Variants in EFHC2 observed in about 807,000 individuals in gnomAD.
EFHC2 encodes the protein EF-hand domain-containing family member C2.
Under a neutral mutation model 52.7 loss-of-function variants are expected in EFHC2, and 18 were observed. The ratio of observed to expected loss-of-function variants is 0.34; its 90% CI spans 0.24 to 0.51. The LOEUF is 0.51. Among genes scored for constraint, EFHC2 ranks in the 20% least tolerant of loss-of-function variants. The pLI is 0.97. For synonymous variants in EFHC2, 203 were observed against 204.1 expected (o/e 0.99, Z 0.04); for missense variants, 513 against 562.5 (o/e 0.91, Z 0.89).
intron 11 of EFHC2, among the ~76,000 whole-genome samples, chrX:44,227,075 A>G (rs1391478832): frequency 9.1e-6 from 1 of 110,177 alleles, no homozygotes; most frequent in Non-Finnish European, 1.9e-5. Flanking sequence ...TTAACACCCT[A>G]TTGTTTGCCA....
At chrX:44,271,945 T>A (rs1258302248) in intron 3 of EFHC2, among the ~76,000 whole-genome samples, 1 of 112,279 alleles carries the variant, frequency 8.9e-6, no homozygotes, top group Admixed American at 9.5e-5. Context: ...TATTCTGTCT[T>A]GCACATGACA....
At chrX:44,261,402 T>C (rs774033097) in intron 3 of EFHC2, 104 bp from the exon 4 acceptor site, 5 of 685,563 alleles carry the variant, frequency 7.3e-6, no homozygotes, top group African/African-American at 2.2e-5. Flanking sequence ...AACAGAAAAC[T>C]GGGCAAAGGA....
intron 1 of EFHC2, 35 bp from the exon 2 acceptor site, chrX:44,312,791 G>A (rs1410490709): frequency 8.9e-7 from 1 of 1,121,710 alleles, no homozygotes; most frequent in Non-Finnish European, 1.2e-6. Context: ...AATAGCCAAA[G>A]TTACTCTTTA....
intron 13 of EFHC2, among the ~76,000 whole-genome samples, chrX:44,171,674 G>A (rs1396142037): frequency 8.9e-6 from 1 of 111,864 alleles, no homozygotes; most frequent in Non-Finnish European, 1.9e-5. Context: ...CTCTGGTGAG[G>A]TGGGTCACAG....
intron 12 of EFHC2, among the ~76,000 whole-genome samples, chrX:44,177,203 T>C (rs1231329205): frequency 1.8e-5 from 2 of 111,935 alleles, no homozygotes; most frequent in Admixed American, 1.9e-4. Flanking sequence ...GCCAGGGCCA[T>C]GCAAAACTCA....
chrX:44,158,127 C>T (rs1033115512), intron 14 of EFHC2, among the ~76,000 whole-genome samples: 2 of 111,580 alleles, frequency 1.8e-5, no homozygotes, highest in Non-Finnish European at 3.8e-5. Flanking sequence ...TGGTTAGTCA[C>T]ACTAGACTGG....
chrX:44,236,480 G>C (rs898361224), intron 8 of EFHC2, among the ~76,000 whole-genome samples: 7 of 112,231 alleles, frequency 6.2e-5, no homozygotes, highest in Non-Finnish European at 1.3e-4. Context: ...TCCCTTGCAG[G>C]GTCTCCTATA....
chrX:44,325,853 C>G (rs2038048705), intron 1 of EFHC2, among the ~76,000 whole-genome samples: 1 of 103,129 alleles, frequency 9.7e-6, no homozygotes, highest in Non-Finnish European at 2.0e-5. Context: ...GCCACAATAG[C>G]TAACAATTGT....
intron 2 of EFHC2, among the ~76,000 whole-genome samples, chrX:44,303,439 T>C (rs957627390): frequency 1.8e-5 from 2 of 111,041 alleles, no homozygotes; most frequent in Non-Finnish European, 3.8e-5. Context: ...CAGTTGTAGA[T>C]GTACCCCTAC....
chrX:44,255,053 C>G (rs7060231), intron 4 of EFHC2, among the ~76,000 whole-genome samples: 3,118 of 111,919 alleles, frequency 0.028, 116 homozygotes, highest in African/African-American at 0.096. Flanking sequence ...AAATAAAATC[C>G]TTTACAGATA....
intron 2 of EFHC2, among the ~76,000 whole-genome samples, chrX:44,278,567 T>C (rs752177366): frequency 3.6e-5 from 4 of 111,291 alleles, no homozygotes; most frequent in Non-Finnish European, 7.6e-5. Context: ...TCTGACCTTC[T>C]TCCATCATTC....
At chrX:44,153,067 T>A (rs1427024492) in intron 14 of EFHC2, among the ~76,000 whole-genome samples, 5 of 112,230 alleles carry the variant, frequency 4.5e-5, no homozygotes, top group African/African-American at 1.6e-4. Flanking sequence ...TTCTGCCTCA[T>A]GGCTTATGAG....
rs1253183442 is a variant in EFHC2, at chrX:44,337,600, GGATT to G, written c.42+5943_42+5946del. 8.1e-5 allele frequency among the ~76,000 whole-genome samples: 9 copies of G among 111,756 alleles called. No individual in the cohort carries two copies. The Admixed American group carries it at 8.6e-4, about 11-fold the overall frequency. ...TTACTTTAAAAAGACAATTATTATT[GGATT>G]ATTATAGCTACAATATTCTCATTCC... On this transcript the variant is annotated intron_variant, in intron 1 of 14. Transcript: ENST00000420999.
intron 11 of EFHC2, 127 bp from the exon 12 acceptor site, chrX:44,178,691 A>AT (rs2036810642): frequency 3.9e-6 from 2 of 509,669 alleles, no homozygotes; most frequent in South Asian, 6.1e-5. Context: ...AGGTCATGTG[A>AT]TTTTTTTAAC....
At chrX:44,262,168 A>G (rs1177675180) in intron 3 of EFHC2, among the ~76,000 whole-genome samples, 1 of 110,550 alleles carries the variant, frequency 9.0e-6, no homozygotes, top group Non-Finnish European at 1.9e-5. Context: ...ATACCAGCCA[A>G]GTTACCCAAA....
At chrX:44,316,782 C>A (rs1438785862) in intron 1 of EFHC2, among the ~76,000 whole-genome samples, 1 of 111,970 alleles carries the variant, frequency 8.9e-6, no homozygotes, top group Non-Finnish European at 1.9e-5. Context: ...CACAACTCAG[C>A]AAAAACACAA....
intron 2 of EFHC2, among the ~76,000 whole-genome samples, chrX:44,279,720 A>T (rs1384849248): frequency 9.0e-6 from 1 of 110,959 alleles, no homozygotes; most frequent in Non-Finnish European, 1.9e-5. Flanking sequence ...CAGTGAAAAA[A>T]ATTACCAAAG....
At chrX:44,342,420 C>T (rs2147405115) in intron 1 of EFHC2, among the ~76,000 whole-genome samples, 1 of 112,390 alleles carries the variant, frequency 8.9e-6, no homozygotes, top group East Asian at 2.8e-4. Flanking sequence ...CCTGCAGACA[C>T]AGATGGCTGA....
chrX:44,248,136 CGGCTGGAAGATAGCAAATGCACAATAAGT>C (rs1321339480), intron 7 of EFHC2, 107 bp downstream of exon 7: 1 of 525,924 alleles, frequency 1.9e-6, no homozygotes, highest in Admixed American at 4.3e-5. Flanking sequence ...AGACAACAAA[CGGCTGGAAGATAGCAAATGCACAATAAGT>C]GGTAGCTATT....
Sources: gnomAD v4.1 joint callset for allele counts (sites outside exome capture counted in the v4.1 genomes callset) on GRCh38, gnomAD v4.1.1 for gene constraint, MANE v1.5 for transcripts, NCBI Gene and HGNC (gene_info 2026-07-23, HGNC 2026-07-21) for gene names.